SLC35F1: variants seen among roughly 807,000 people sequenced by gnomAD.
SLC35F1 encodes solute carrier family 35 member F1.
A neutral mutation model predicts 48.7 loss-of-function variants in SLC35F1; 14 were observed. The ratio of observed to expected loss-of-function variants is 0.29; its 90% CI spans 0.19 to 0.45. The LOEUF (loss-of-function observed/expected upper bound fraction) is 0.45. Among genes scored for constraint, SLC35F1 ranks in the 20% least tolerant of loss-of-function variants. SLC35F1 has a pLI of 1.00. For missense variants in SLC35F1, 404 were observed against 500.0 expected, an observed-to-expected ratio of 0.81 and a Z score of 1.83; for synonymous variants, 190 against 202.2, an observed-to-expected ratio of 0.94 and a Z score of 0.51.
intron 1 of SLC35F1, among the ~76,000 whole-genome samples, chr6:117,985,489 T>C (rs1353161054): frequency 6.6e-6 from 1 of 152,226 alleles, no homozygotes; most frequent in Non-Finnish European, 1.5e-5. Flanking sequence ...GTTTGTTGTG[T>C]AGAAAAATGC....
chr6:117,947,554 A>T (rs1402231516), intron 1 of SLC35F1, among the ~76,000 whole-genome samples: 2 of 152,196 alleles, frequency 1.3e-5, no homozygotes, highest in East Asian at 1.9e-4. Context: ...AGAATGTAAC[A>T]TCTAGATGCA....
intron 1 of SLC35F1, among the ~76,000 whole-genome samples, chr6:118,047,427 G>A (rs1772316801): frequency 6.6e-6 from 1 of 152,086 alleles, no homozygotes; most frequent in South Asian, 2.1e-4. Context: ...TAGGGTATTA[G>A]GTTTCATTTG....
chr6:118,050,224 A>C (rs1386496169), intron 1 of SLC35F1, among the ~76,000 whole-genome samples: 1 of 150,328 alleles, frequency 6.7e-6, no homozygotes, highest in African/African-American at 2.4e-5. Context: ...GTGGGGTGGG[A>C]GGAGGGGGGA....
At chr6:117,923,658 T>TAC (rs1491430193) in intron 1 of SLC35F1, among the ~76,000 whole-genome samples, 4,948 of 71,438 alleles carry the variant, frequency 0.069, 1,783 homozygotes, top group African/African-American at 0.11. Context: ...TATGTACATA[T>TAC]GTATATATAC....
Position 118,316,123 on chromosome 6 carries a change from A to G in SLC35F1, c.*1871A>G, listed in dbSNP as rs1776434352. On this transcript the variant is annotated 3_prime_UTR_variant, in exon 8 of 8. Coordinates refer to ENST00000360388, the MANE Select transcript of SLC35F1 (RefSeq NM_001029858.4). ...AGGACTGATCCCAGAGTGCCTGTAC[A>G]AGGCCTAAATCTGGCAGGCAAAAGC... 1 of 152,190 alleles carries G rather than the reference A, an allele frequency of 6.6e-6. No homozygotes were observed. Among genetic ancestry groups the G allele is most frequent in the Non-Finnish European group, 1.5e-5 (1 of 68,026 alleles). 9.4% of individuals were successfully genotyped at this position (152,190 alleles called of 1,614,324 possible). A position where few individuals can be genotyped will look rare whatever the true frequency, so the allele number is the denominator to read the frequency against.
At chr6:118,291,220 G>A (rs766358771) in intron 7 of SLC35F1, among the ~76,000 whole-genome samples, 17 of 148,700 alleles carry the variant, frequency 1.1e-4, no homozygotes, top group Non-Finnish European at 2.1e-4. Context: ...TATGGGAGTG[G>A]GAGAAGCAGC....
intron 2 of SLC35F1, among the ~76,000 whole-genome samples, chr6:118,163,021 G>T (rs987483681): frequency 6.6e-6 from 1 of 150,664 alleles, no homozygotes. Flanking sequence ...GCAGTGGTGC[G>T]ATCTCGAGAG....
At position 118,258,702 on chromosome 6, in the gene SLC35F1, T is replaced by C. The variant is rs73512506; in HGVS notation, c.478-8293T>C. 9.0e-3 allele frequency among the ~76,000 whole-genome samples: 1,376 copies of C among 152,136 alleles called. 23 individuals carry two copies. Among genetic ancestry groups the C allele is most frequent in the African/African-American group, 0.032 (1,315 of 41,558 alleles). On this transcript the variant is annotated intron_variant, in intron 3 of 7. Transcript: ENST00000360388. ...TAAAGCAACATGATACTGTTGGTAG[T>C]ATGGTATATAACATGACCCTAAAAT...
At chr6:117,978,571 C>T (rs1776733364) in intron 1 of SLC35F1, among the ~76,000 whole-genome samples, 1 of 152,128 alleles carries the variant, frequency 6.6e-6, no homozygotes, top group Non-Finnish European at 1.5e-5. Flanking sequence ...ACGTTATTTT[C>T]TTCACTGGCC....
chr6:118,249,345 G>A (rs1056972298), intron 3 of SLC35F1, among the ~76,000 whole-genome samples: 2 of 152,178 alleles, frequency 1.3e-5, no homozygotes, highest in Non-Finnish European at 2.9e-5. Flanking sequence ...TGGTTACTAA[G>A]GTGCCAATTC....
chr6:118,025,719 A>G (rs1771925884), intron 1 of SLC35F1, among the ~76,000 whole-genome samples: 1 of 152,152 alleles, frequency 6.6e-6, no homozygotes, highest in African/African-American at 2.4e-5. Context: ...ACACCATTTT[A>G]GTTTGTTGCT....
At chr6:118,000,189 A>G (rs924728385) in intron 1 of SLC35F1, among the ~76,000 whole-genome samples, 9 of 152,224 alleles carry the variant, frequency 5.9e-5, no homozygotes, top group Non-Finnish European at 1.3e-4. Context: ...ACATTGATGC[A>G]AAAATCCTCA....
chr6:117,984,991 T>A (rs1203201868), intron 1 of SLC35F1, among the ~76,000 whole-genome samples: 1 of 152,228 alleles, frequency 6.6e-6, no homozygotes, highest in African/African-American at 2.4e-5. Flanking sequence ...ACTTCTTAAT[T>A]CTTCCTTTCC....
intron 1 of SLC35F1, among the ~76,000 whole-genome samples, chr6:118,008,517 T>G (rs1055482256): frequency 6.6e-6 from 1 of 152,202 alleles, no homozygotes; most frequent in African/African-American, 2.4e-5. Flanking sequence ...GTAATAAAAG[T>G]TACAGCATGT....
chr6:118,305,673 TAA>T (rs1404250448), intron 7 of SLC35F1, among the ~76,000 whole-genome samples: 3 of 152,190 alleles, frequency 2.0e-5, no homozygotes, highest in African/African-American at 7.2e-5. Context: ...TATTATGATA[TAA>T]AGTCAATATT....
chr6:118,277,727 T>C (rs1344527093), intron 6 of SLC35F1, among the ~76,000 whole-genome samples, 181 bp downstream of exon 6: 1 of 152,222 alleles, frequency 6.6e-6, no homozygotes, highest in Non-Finnish European at 1.5e-5. Flanking sequence ...AATTGTATTA[T>C]TCATAGTGTT....
intron 1 of SLC35F1, among the ~76,000 whole-genome samples, chr6:118,033,320 T>C (rs1772080204): frequency 6.6e-6 from 1 of 152,214 alleles, no homozygotes; most frequent in African/African-American, 2.4e-5. Context: ...CTCAAATTAT[T>C]ATCAGTGGCT....
At chr6:118,188,593 C>T (rs1015793118) in intron 2 of SLC35F1, among the ~76,000 whole-genome samples, 3 of 151,296 alleles carry the variant, frequency 2.0e-5, no homozygotes, top group Non-Finnish European at 4.4e-5. Context: ...GTTGAAATCC[C>T]TTAAACTTAT....
At chr6:117,938,609 C>T (rs1213514213) in intron 1 of SLC35F1, among the ~76,000 whole-genome samples, 2 of 152,350 alleles carry the variant, frequency 1.3e-5, no homozygotes, top group South Asian at 2.1e-4. Context: ...CTTCAGCCTG[C>T]TCCTGACAGC....
Sources: allele counts gnomAD v4.1 joint callset (sites outside exome capture counted in the v4.1 genomes callset), GRCh38; gene constraint gnomAD v4.1.1; transcripts MANE v1.5; gene names NCBI Gene and HGNC (gene_info 2026-07-23, HGNC 2026-07-21).